Variants in ZBTB41 observed in about 807,000 individuals in gnomAD.
The protein encoded by ZBTB41 is zinc finger and BTB domain containing 41, also known as zinc finger and BTB domain-containing protein 41.
In ZBTB41, 42 loss-of-function variants were observed where a neutral mutation model predicts 87.6. The observed-to-expected ratio is 0.48, with a 90% confidence interval of 0.37 to 0.62. ZBTB41 has a LOEUF of 0.62. Ranked by LOEUF, ZBTB41 falls within the 20% of genes least tolerant of loss-of-function variation. The probability of loss-of-function intolerance (pLI) is 0.00; values close to 1 mark genes in which losing one functional copy is unlikely to be tolerated. For synonymous variants in ZBTB41, 364 were observed against 364.0 expected (o/e 1.00, Z 0.00); for missense variants, 799 against 1,078.9 (o/e 0.74, Z 3.63).
Position 197,156,070 on chromosome 1 carries a change from A to G in ZBTB41, c.*3289T>C, listed in dbSNP as rs1181987041. On this transcript the variant is annotated 3_prime_UTR_variant, in exon 11 of 11. Coordinates refer to ENST00000367405, the MANE Select transcript of ZBTB41 (RefSeq NM_194314.3). ...TGTTCTCTAAAAAACATAACATTGT[A>G]TTAATTAAACTAAGGAAAACAGTAT... is the stretch of plus-strand genomic sequence containing the variant. 1.3e-5 allele frequency: 2 copies of G among 152,320 alleles called. No individual in the cohort carries two copies. The highest frequency in any genetic ancestry group is 2.9e-5 in the Non-Finnish European group (2 of 67,798). The allele number at this position is 152,320 out of a possible 1,614,324, so 9.4% of individuals were successfully genotyped here.
At chr1:197,177,319 T>C (rs529052131) in intron 7 of ZBTB41, among the ~76,000 whole-genome samples, 1 of 152,216 alleles carries the variant, frequency 6.6e-6, no homozygotes, top group Non-Finnish European at 1.5e-5. Context: ...CTGCTTCGCC[T>C]AGGTAAGACG....
Position 197,182,861 on chromosome 1 carries a change from C to T in ZBTB41, c.1547-1744G>A, listed in dbSNP as rs942030695. On this transcript the variant is annotated intron_variant, in intron 5 of 10. Coordinates refer to ENST00000367405, the MANE Select transcript of ZBTB41 (RefSeq NM_194314.3). ...ATGCAAATACAAATTTGGGGCCATA[C>T]GCCAGACCTATCTGAGTCAGACACT... is the stretch of plus-strand genomic sequence containing the variant. Among the ~76,000 whole-genome samples the T allele has an allele frequency of 3.9e-5, 6 of 152,028 alleles. No homozygotes were observed. In the South Asian group the frequency reaches 8.3e-4, roughly 21 times the overall value.
chr1:197,192,438 T>G (rs1385401748), intron 2 of ZBTB41, among the ~76,000 whole-genome samples: 2 of 152,190 alleles, frequency 1.3e-5, no homozygotes, highest in Non-Finnish European at 2.9e-5. Context: ...ATTTACCTAA[T>G]AGAACTGTTG....
intron 6 of ZBTB41, among the ~76,000 whole-genome samples, chr1:197,179,143 T>C (rs958992520): frequency 6.6e-6 from 1 of 152,100 alleles, no homozygotes; most frequent in Non-Finnish European, 1.5e-5. Flanking sequence ...TGAGTAATAA[T>C]GAACAAAGTT....
At chr1:197,191,436 G>A (rs552584412) in intron 3 of ZBTB41, among the ~76,000 whole-genome samples, 42 of 139,288 alleles carry the variant, frequency 3.0e-4, no homozygotes, top group South Asian at 9.1e-4. Context: ...CAGCCTGGGC[G>A]ACACAGTGAA....
chr1:197,171,568 A>T (rs1446200064), intron 10 of ZBTB41, among the ~76,000 whole-genome samples: 1 of 152,120 alleles, frequency 6.6e-6, no homozygotes. Flanking sequence ...ATAAGAAAGA[A>T]TCTAACATAT....
chr1:197,174,914 C>A (rs910190647), intron 9 of ZBTB41, 96 bp downstream of exon 9: 2 of 871,354 alleles, frequency 2.3e-6, no homozygotes, highest in Non-Finnish European at 3.6e-6. Flanking sequence ...AACTGGTTAA[C>A]CTAACTTCAA....
chr1:197,167,010 A>G (rs955997748), intron 10 of ZBTB41, among the ~76,000 whole-genome samples: 3 of 152,324 alleles, frequency 2.0e-5, no homozygotes, highest in Non-Finnish European at 4.4e-5. Context: ...TTCCCAAATC[A>G]TCTTTTGAGA....
chr1:197,190,790 T>C lies in ZBTB41; in HGVS notation c.1370A>G (p.Lys457Arg). 1 of 1,592,326 alleles carries C rather than the reference T, an allele frequency of 6.3e-7. No individual in the cohort carries two copies. Among genetic ancestry groups the C allele is most frequent in the Non-Finnish European group, 8.6e-7 (1 of 1,167,430 alleles). The change falls in exon 4 of 11, where the codon AAG (lysine) becomes AGG (arginine). Residue 457 changes from lysine (K) to arginine (R), a missense_variant. This residue lies in a region of ZBTB41 where 294 missense variants were observed against 340.1 expected (regional missense o/e 0.86). Coordinates refer to ENST00000367405, the MANE Select transcript of ZBTB41 (RefSeq NM_194314.3). ...ENAQEFISIK[K>R]TKSESWKCDI... is the part of the protein sequence containing the mutation. ...ACATTTCCAACTTTCACTCTTAGTC[T>C]TCTTAATGGAAATAAATTCTTGTGC...
At chr1:197,170,552 T>C (rs1283173255) in intron 10 of ZBTB41, among the ~76,000 whole-genome samples, 1 of 152,142 alleles carries the variant, frequency 6.6e-6, no homozygotes, top group Non-Finnish European at 1.5e-5. Flanking sequence ...TTACTCACAA[T>C]ACTTATAACT....
Position 197,200,293 on chromosome 1 carries a change from T to C in ZBTB41, c.181A>G (p.Arg61Gly), listed in dbSNP as rs1660280451. ...YQELPPSPDQ[R>G]KLLSSLQYNK... ...TACTGCAAAGAACTTAAAAGCTTTC[T>C]CTGATCTGGAGAGGGAGGAAGTTCC... Residue 61 changes from arginine to glycine, a missense_variant, in exon 2 of 11, where the codon AGA becomes GGA. Transcript: ENST00000367405. The C allele has an allele frequency of 6.2e-7, 1 of 1,613,144 alleles. No homozygotes were observed. The highest frequency in any genetic ancestry group is 1.3e-5 in the African/African-American group (1 of 74,844).
chr1:197,158,763 T>C lies in ZBTB41; in HGVS notation c.*596A>G, dbSNP rs971792818. The stretch of plus-strand genomic sequence containing the variant: ...CTAATCTTACATTAGTTAAGCTTTC[T>C]GGCTTTGAGTATATCAAAAGTCCAA... On this transcript the variant is annotated 3_prime_UTR_variant, in exon 11 of 11. Coordinates refer to ENST00000367405, the MANE Select transcript of ZBTB41 (RefSeq NM_194314.3). The C allele has an allele frequency of 6.6e-6, 1 of 152,140 alleles. No individual in the cohort carries two copies. Among genetic ancestry groups the C allele is most frequent in the African/African-American group, 2.4e-5 (1 of 41,440 alleles). 9.4% of individuals were successfully genotyped at this position (152,140 alleles called of 1,614,324 possible). A position where few individuals can be genotyped will look rare whatever the true frequency, so the allele number is the denominator to read the frequency against.
In ZBTB41 at chr1:197,168,256, A is replaced by G. The variant is rs140135308; in HGVS notation, c.2074+3904T>C. 6.4e-3 allele frequency among the ~76,000 whole-genome samples: 967 copies of G among 152,276 alleles called. 11 individuals are homozygous for G. Among genetic ancestry groups the G allele is most frequent in the African/African-American group, 0.021 (876 of 41,576 alleles). On this transcript the variant is annotated intron_variant, in intron 10 of 10. Transcript: ENST00000367405. The stretch of plus-strand genomic sequence containing the variant: ...ATCATCTTTGAAAAAAATCTAAACA[A>G]ATTAATGGAGGTGTTCACAGACTGG...
chr1:197,180,893 T>G, intron 6 of ZBTB41, 95 bp downstream of exon 6: 1 of 1,317,478 alleles, frequency 7.6e-7, no homozygotes, highest in Non-Finnish European at 1.0e-6. Context: ...ATGCATTTTG[T>G]GTCTTATGTT....
chr1:197,191,817 C>G lies in ZBTB41; in HGVS notation c.1203G>C (p.Lys401Asn). The stretch of plus-strand genomic sequence containing the variant: ...TCTTTCTGTGAACAGTTAGGTTAGA[C>G]TTTGTTGAATAGCGCTGGTGACAAA... ...CDICHQRYST[K>N]SNLTVHRKKH... Residue 401 changes from lysine (K) to asparagine (N), a missense_variant, in exon 3 of 11, where the codon AAG becomes AAC. Lys to Asn is a moderately conservative substitution (Grantham distance 94). Around this residue, in one of 5 missense-constraint regions of ZBTB41, gnomAD observed 294 missense variants for 340.1 expected, o/e 0.86. Coordinates refer to ENST00000367405, the MANE Select transcript of ZBTB41 (RefSeq NM_194314.3). 1 of 1,613,862 alleles carries G rather than the reference C, an allele frequency of 6.2e-7. No homozygotes were observed. The highest frequency in any genetic ancestry group is 8.5e-7 in the Non-Finnish European group (1 of 1,179,902).
chr1:197,182,545 G>A (rs1168162797), intron 5 of ZBTB41, among the ~76,000 whole-genome samples: 8 of 152,068 alleles, frequency 5.3e-5, no homozygotes, highest in Non-Finnish European at 1.2e-4. Flanking sequence ...AAAGTGCTGA[G>A]ATTACAGACG....
Position 197,199,447 on chromosome 1 carries a change from T to C in ZBTB41, c.1027A>G (p.Asn343Asp), listed in dbSNP as rs761613772. 5.6e-6 allele frequency: 9 copies of C among 1,612,648 alleles called. No homozygotes were observed. Among genetic ancestry groups the C allele is most frequent in the Admixed American group, 3.3e-5 (2 of 59,704 alleles). Residue 343 changes from asparagine (N) to aspartate (D), a missense_variant, in exon 2 of 11, where the codon AAT becomes GAT. Around this residue, in one of 5 missense-constraint regions of ZBTB41, gnomAD observed 294 missense variants for 340.1 expected, o/e 0.86. Transcript: ENST00000367405. ...EEPEAGDSVG[N>D]VHEGLTPVVI... ...ACTGGAGTTAACCCCTCATGAACAT[T>C]TCCTACAGAATCACCAGCCTCAGGT...
chr1:197,174,825 A>C (rs1406961248), intron 9 of ZBTB41, among the ~76,000 whole-genome samples, 185 bp downstream of exon 9: 1 of 152,046 alleles, frequency 6.6e-6, no homozygotes, highest in Non-Finnish European at 1.5e-5. Context: ...CCTTTGAATT[A>C]ACTGAAAACA....
intron 5 of ZBTB41, among the ~76,000 whole-genome samples, chr1:197,187,469 C>A (rs1571663884): frequency 6.6e-6 from 1 of 152,182 alleles, no homozygotes; most frequent in African/African-American, 2.4e-5. Flanking sequence ...GGAAACTATG[C>A]ACATCATCCC....
Sources: gnomAD v4.1 joint callset for allele counts (sites outside exome capture counted in the v4.1 genomes callset) on GRCh38, gnomAD v4.1.1 for gene constraint, gnomAD v4.1.1 regional missense constraint, MANE v1.5 for transcripts, NCBI Gene and HGNC (gene_info 2026-07-23, HGNC 2026-07-21) for gene names.